Variants in LRRC74B observed in about 807,000 individuals in gnomAD.
LRRC74B encodes leucine-rich repeat-containing protein 74B.
A neutral mutation model predicts 16.6 loss-of-function variants in LRRC74B; 30 were observed. The ratio of observed to expected loss-of-function variants is 1.80; its 90% CI spans 1.35 to 2.45. LRRC74B has a LOEUF of 2.45. Among genes scored for constraint, LRRC74B ranks in the 30% most tolerant of loss-of-function variants. LRRC74B has a pLI of 0.00. For synonymous variants in LRRC74B, 134 were observed against 86.0 expected (o/e 1.56, Z -3.09); for missense variants, 326 against 202.4 (o/e 1.61, Z -3.71).
downstream of LRRC74B, chr22:21,061,957 A>G (rs988456891): frequency 6.6e-6 from 1 of 152,222 alleles, no homozygotes; most frequent in Non-Finnish European, 1.5e-5. Context: ...TTCTAAAGGC[A>G]ATTGAATTAC....
At chr22:21,049,805 A>T (rs1233204928) in intron 4 of LRRC74B, among the ~76,000 whole-genome samples, 1 of 152,040 alleles carries the variant, frequency 6.6e-6, no homozygotes, top group African/African-American at 2.4e-5. Context: ...AGCGGATGTG[A>T]TTGGGATTCC....
intron 4 of LRRC74B, among the ~76,000 whole-genome samples, chr22:21,051,091 G>T (rs1374346157): frequency 6.6e-6 from 1 of 151,940 alleles, no homozygotes; most frequent in Non-Finnish European, 1.5e-5. Flanking sequence ...TGTCAAGGCT[G>T]CAGTGAGCCG....
At chr22:21,057,035 C>T in intron 7 of LRRC74B, 70 bp from the exon 8 acceptor site, 1 of 702,758 alleles carries the variant, frequency 1.4e-6, no homozygotes, top group Non-Finnish European at 2.6e-6. Context: ...GGAGCCCCTC[C>T]TTCCCTTTCA....
chr22:21,060,274 G>T, intron 8 of LRRC74B, 99 bp from the exon 9 acceptor site: 1 of 622,824 alleles, frequency 1.6e-6, no homozygotes, highest in Non-Finnish European at 3.0e-6. Context: ...GGGAGAAGCT[G>T]CCCGAAGGAG....
chr22:21,052,292 C>A lies in LRRC74B; in HGVS notation c.666C>A (p.Thr222=), dbSNP rs553182704. The A allele has an allele frequency of 7.0e-6, 5 of 717,528 alleles. 1 individual carries two copies. In the South Asian group the frequency reaches 7.4e-5, roughly 11 times the overall value. 44.4% of individuals were successfully genotyped at this position (717,528 alleles called of 1,614,324 possible). Residue 222 remains threonine, a synonymous_variant, in exon 5 of 9, where the codon ACC becomes ACA. Transcript: ENST00000442047. Reference sequence around the variant, plus strand: ...CCCTGGCAGAAAACACAGGACTCACCGAGCTTAACGTGAGCTGGAATCACC... The same window carrying A: ...CCCTGGCAGAAAACACAGGACTCACAGAGCTTAACGTGAGCTGGAATCACC...
chr22:21,048,293 C>G, intron 3 of LRRC74B: 1 of 442,586 alleles, frequency 2.3e-6, no homozygotes, highest in Non-Finnish European at 4.2e-6. Context: ...ATGGGAGACT[C>G]CCAGTACCTG....
chr22:21,048,728 C>T (rs1474949985), intron 3 of LRRC74B: 21 of 567,448 alleles, frequency 3.7e-5, no homozygotes, highest in Non-Finnish European at 5.4e-5. Flanking sequence ...AGGAGGTAGG[C>T]GGTTTTAACC....
chr22:21,063,408 G>A (rs1288634308), downstream of LRRC74B: 1 of 152,090 alleles, frequency 6.6e-6, no homozygotes, highest in Non-Finnish European at 1.5e-5. Context: ...ACATGAATAT[G>A]GGACTTCAGG....
chr22:21,061,011 A>G (rs1187618715), downstream of LRRC74B, among the ~76,000 whole-genome samples: 1 of 152,170 alleles, frequency 6.6e-6, no homozygotes, highest in African/African-American at 2.4e-5. Flanking sequence ...ATAACCAGAG[A>G]TGTATAAAAG....
intron 8 of LRRC74B, among the ~76,000 whole-genome samples, chr22:21,058,991 GC>G (rs1298195901): frequency 1.3e-5 from 2 of 152,164 alleles, no homozygotes; most frequent in Non-Finnish European, 2.9e-5. Context: ...GATGGTTCAC[GC>G]CTATAACCCC....
chr22:21,055,129 A>AGCCTGG (rs1930399347), exon 7 of LRRC74B: 2 of 717,240 alleles, frequency 2.8e-6, no homozygotes, highest in African/African-American at 3.5e-5. Flanking sequence ...GGGAGCCCTG[A>AGCCTGG]GCCTGGGCCT....
chr22:21,062,316 G>T (rs984505154), downstream of LRRC74B: 4 of 152,178 alleles, frequency 2.6e-5, no homozygotes, highest in South Asian at 6.2e-4. Context: ...GCTAAAAACC[G>T]CTCGATTGTA....
At position 21,051,145 on chromosome 22, in the gene LRRC74B, G is replaced by A. The variant is rs969937130; in HGVS notation, c.623-1104G>A. 1.2e-4 allele frequency among the ~76,000 whole-genome samples: 18 copies of A among 152,174 alleles called. No individual in the cohort carries two copies. In the East Asian group the frequency reaches 1.5e-3, roughly 13 times the overall value. On this transcript the variant is annotated intron_variant, in intron 4 of 8. Coordinates refer to ENST00000442047, the Ensembl canonical transcript of LRRC74B. ...CCGGGTTGGGCAACAGGGTGAGACCGTGTCTTAACAACAACAAAAAATACT... is the reference window on the plus strand; with the variant it reads ...CCGGGTTGGGCAACAGGGTGAGACCATGTCTTAACAACAACAAAAAATACT...
rs1930570721 is a variant in LRRC74B, at chr22:21,056,992, G to C, written c.928-113G>C. 5 of 641,702 alleles carry C rather than the reference G, an allele frequency of 7.8e-6. No individual in the cohort carries two copies. In the South Asian group the frequency reaches 9.2e-5, roughly 12 times the overall value. 39.8% of individuals were successfully genotyped at this position (641,702 alleles called of 1,614,324 possible). On this transcript the variant is annotated intron_variant, in intron 7 of 8. Coordinates refer to ENST00000442047, the Ensembl canonical transcript of LRRC74B. ...TGGAGACACCTTCTGAGCCGAAACA[G>C]TGTGGCCATAGTGGCTGTGTCCTCA...
At chr22:21,050,228 G>C (rs551153945) in intron 4 of LRRC74B, among the ~76,000 whole-genome samples, 1 of 152,060 alleles carries the variant, frequency 6.6e-6, no homozygotes, top group South Asian at 2.1e-4. Context: ...GTAGAGATGG[G>C]GTTTCACCGT....
At chr22:21,062,167 G>C (rs1386454843), downstream of LRRC74B, 1 of 152,172 alleles carries the variant, frequency 6.6e-6, no homozygotes, top group East Asian at 1.9e-4. Flanking sequence ...AATCTATACA[G>C]ACAGAAAGTA....
At chr22:21,055,114 G>T in exon 7 of LRRC74B, 1 of 717,338 alleles carries the variant, frequency 1.4e-6, no homozygotes, top group Admixed American at 2.0e-5. Flanking sequence ...CCGCATCTCT[G>T]CGATGGGAGC....
intron 7 of LRRC74B, chr22:21,056,882 G>T: frequency 1.9e-6 from 1 of 535,498 alleles, no homozygotes; most frequent in Non-Finnish European, 3.3e-6. Context: ...GGTGTGTCTT[G>T]TGTGTCTATA....
At chr22:21,047,248 C>T in intron 1 of LRRC74B, 108 bp from the exon 2 acceptor site, 1 of 623,620 alleles carries the variant, frequency 1.6e-6, no homozygotes, top group Non-Finnish European at 3.0e-6. Context: ...GCACAGGAAG[C>T]AGTGCTTCTA....
Sources: allele counts gnomAD v4.1 joint callset (sites outside exome capture counted in the v4.1 genomes callset), GRCh38; gene constraint gnomAD v4.1.1; transcripts MANE v1.5; gene names NCBI Gene and HGNC (gene_info 2026-07-23, HGNC 2026-07-21).